ZNF157: variants seen among roughly 807,000 people sequenced by gnomAD.
ZNF157 encodes zinc finger protein 22.
In ZNF157, 8 loss-of-function variants were observed where a neutral mutation model predicts 9.4. The ratio of observed to expected loss-of-function variants is 0.85; its 90% confidence interval spans 0.50 to 1.53. The LOEUF is 1.53. ZNF157 is among the 40% of genes most tolerant of loss of function. ZNF157 has a pLI of 0.00. For synonymous variants in ZNF157, 120 were observed against 130.8 expected (o/e 0.92, Z 0.56); for missense variants, 316 against 385.2 (o/e 0.82, Z 1.50).
chrX:47,388,458 C>T (rs6609490), intron 1 of ZNF157, among the ~76,000 whole-genome samples: 24,642 of 107,872 alleles, frequency 0.23, 2,714 homozygotes, highest in South Asian at 0.4. Flanking sequence ...ACCACAGGCG[C>T]ACACCAACAT....
chrX:47,382,462 G>A (rs920062686), intron 1 of ZNF157, among the ~76,000 whole-genome samples: 14 of 105,897 alleles, frequency 1.3e-4, no homozygotes, highest in Non-Finnish European at 1.2e-4. Context: ...CTCGTGATCC[G>A]CCCACCTCGG....
At chrX:47,405,733 T>C (rs1461056797) in intron 1 of ZNF157, among the ~76,000 whole-genome samples, 1 of 111,978 alleles carries the variant, frequency 8.9e-6, no homozygotes, top group Non-Finnish European at 1.9e-5. Context: ...TGCTGACCCA[T>C]CAATAGAACA....
chrX:47,397,031 G>A (rs1020223151), intron 1 of ZNF157, among the ~76,000 whole-genome samples: 2 of 110,408 alleles, frequency 1.8e-5, no homozygotes, highest in Non-Finnish European at 3.8e-5. Flanking sequence ...TGGGAATTGT[G>A]GGAGCAACAA....
At chrX:47,396,951 A>G (rs2055915224) in intron 1 of ZNF157, among the ~76,000 whole-genome samples, 1 of 111,077 alleles carries the variant, frequency 9.0e-6, no homozygotes, top group Non-Finnish European at 1.9e-5. Flanking sequence ...ATTCACTATC[A>G]TGAGAACAGC....
chrX:47,392,878 G>A (rs769620035), intron 1 of ZNF157, among the ~76,000 whole-genome samples: 3 of 111,627 alleles, frequency 2.7e-5, no homozygotes, highest in East Asian at 2.8e-4. Flanking sequence ...TGTTGAGGCC[G>A]GGCATGGTGG....
rs375028454 is a variant in ZNF157 at position 47,388,057 on chromosome X, T to C, written c.72+17317T>C. 1.4e-4 allele frequency among the ~76,000 whole-genome samples: 15 copies of C among 108,443 alleles called. No individual in the cohort carries two copies. The East Asian group carries it at 4.0e-3, about 29-fold the overall frequency. The allele number at this position is 108,443 out of a possible 115,157, so 94.2% of individuals were successfully genotyped here. A position where few individuals can be genotyped will look rare whatever the true frequency, so the allele number is the denominator to read the frequency against. ...TCAGTAATTCCTTTATAGTGGAGAG[T>C]TCCTGATACTTAAATTTTTTTATTA... On this transcript the variant is annotated intron_variant, in intron 1 of 3. Coordinates refer to ENST00000377073, the MANE Select transcript of ZNF157 (RefSeq NM_003446.4).
rs1207877253 is a variant in ZNF157, at chrX:47,413,208, A to G, written c.1135A>G (p.Ile379Val). ...CTCATCTCTTGGGATCCATCAGAGA[A>G]TTCACACAGGAGAGAAACCTTACGA... ...VHSSLGIHQR[I>V]HTGEKPYECN... is the part of the protein sequence containing the mutation. Residue 379 changes from isoleucine to valine, a missense_variant, in exon 4 of 4, where the codon ATT (isoleucine) becomes GTT (valine). Transcript: ENST00000377073. 1 of 1,212,111 alleles carries G rather than the reference A, an allele frequency of 8.3e-7. No individual in the cohort carries two copies. Among genetic ancestry groups the G allele is most frequent in the East Asian group, 3.0e-5 (1 of 33,853 alleles).
chrX:47,372,189 G>A (rs1275847527), intron 1 of ZNF157, among the ~76,000 whole-genome samples: 2 of 110,745 alleles, frequency 1.8e-5, no homozygotes, highest in Non-Finnish European at 3.8e-5. Flanking sequence ...GGCAGCTTCC[G>A]AATGGGGCTG....
At chrX:47,381,398 A>T (rs941740078) in intron 1 of ZNF157, among the ~76,000 whole-genome samples, 3 of 111,824 alleles carry the variant, frequency 2.7e-5, no homozygotes, top group African/African-American at 9.7e-5. Context: ...TAAACATGCA[A>T]TATCTCTCTG....
At chrX:47,378,534 G>T (rs1457757908) in intron 1 of ZNF157, among the ~76,000 whole-genome samples, 1 of 111,840 alleles carries the variant, frequency 8.9e-6, no homozygotes, top group Non-Finnish European at 1.9e-5. Context: ...TTGTTTCAAC[G>T]TTAAACTATA....
At chrX:47,386,571 T>C (rs2055880146) in intron 1 of ZNF157, among the ~76,000 whole-genome samples, 1 of 110,945 alleles carries the variant, frequency 9.0e-6, no homozygotes, top group African/African-American at 3.3e-5. Context: ...GCAATTCTCC[T>C]GCCTCAGCCT....
chrX:47,407,623 C>T (rs6609496), intron 1 of ZNF157, among the ~76,000 whole-genome samples: 29,907 of 110,973 alleles, frequency 0.27, 3,114 homozygotes, highest in South Asian at 0.41. Flanking sequence ...TAAAAATGTT[C>T]GTGGCATTCT....
intron 1 of ZNF157, among the ~76,000 whole-genome samples, chrX:47,376,805 G>C (rs6609487): frequency 0.23 from 25,833 of 110,705 alleles, 2,749 homozygotes; most frequent in South Asian, 0.41. Context: ...CCTCCGAGCT[G>C]TCCTTGTTCA....
chrX:47,387,636 C>T (rs990429978), intron 1 of ZNF157, among the ~76,000 whole-genome samples: 7 of 108,989 alleles, frequency 6.4e-5, no homozygotes, highest in African/African-American at 1.0e-4. Context: ...ATGCCTCAGT[C>T]GGGCGCGGTG....
At chrX:47,393,444 A>G (rs1293832628) in intron 1 of ZNF157, among the ~76,000 whole-genome samples, 1 of 112,147 alleles carries the variant, frequency 8.9e-6, no homozygotes, top group East Asian at 2.8e-4. Context: ...GTATTAGAGA[A>G]GAAGGCCGTC....
intron 1 of ZNF157, among the ~76,000 whole-genome samples, chrX:47,403,346 T>A (rs1008427697): frequency 9.1e-6 from 1 of 110,358 alleles, no homozygotes; most frequent in Non-Finnish European, 1.9e-5. Flanking sequence ...TTATTATTAT[T>A]TTTTGAGATG....
Position 47,413,911 on chromosome X carries a change from T to A in ZNF157, c.*317T>A. ...CATATGAGAATATAAAAATCCTTTT[T>A]TTTTCAGTCATATGTGTTGCAAATA... On this transcript the variant is annotated 3_prime_UTR_variant, in exon 4 of 4. Transcript: ENST00000377073. 6.4e-6 allele frequency: 1 copy of A among 156,486 alleles called. No individual in the cohort carries two copies. The allele number at this position is 156,486 out of a possible 1,213,427, so 12.9% of individuals were successfully genotyped here.
rs2055858967 is a variant in ZNF157, at chrX:47,380,718, A to G, written c.72+9978A>G. Among the ~76,000 whole-genome samples, 3 of 109,526 alleles carry G rather than the reference A, an allele frequency of 2.7e-5. No individual in the cohort carries two copies. The South Asian group carries it at 1.2e-3, about 42-fold the overall frequency. ...CTGCCTTTCCCTGGCGCCAGCTGCA[A>G]CCAATTATTATTTTTATTTATTATT... On this transcript the variant is annotated intron_variant, in intron 1 of 3. Transcript: ENST00000377073.
intron 1 of ZNF157, among the ~76,000 whole-genome samples, chrX:47,381,918 C>T (rs941701197): frequency 8.9e-6 from 1 of 111,933 alleles, no homozygotes; most frequent in African/African-American, 3.2e-5. Flanking sequence ...TTTGAAGAGA[C>T]TTATTCCAAA....
Sources: gnomAD v4.1 joint callset for allele counts (sites outside exome capture counted in the v4.1 genomes callset) on GRCh38, gnomAD v4.1.1 for gene constraint, MANE v1.5 for transcripts, NCBI Gene and HGNC (gene_info 2026-07-23, HGNC 2026-07-21) for gene names.